Variants in SULT1A1 observed in about 807,000 individuals in gnomAD.
The protein encoded by SULT1A1 is sulfotransferase family 1A member 1, also known as sulfotransferase 1A1.
A neutral mutation model predicts 36.8 loss-of-function variants in SULT1A1; 35 were observed. That is an observed-to-expected ratio of 0.95 (90% CI 0.73 to 1.26). SULT1A1 has a LOEUF of 1.26. SULT1A1 is among the 50% of genes most tolerant of loss of function. The pLI is 0.00. For missense variants in SULT1A1, 309 were observed against 383.0 expected (o/e 0.81, Z 1.61); for synonymous variants, 119 against 146.0 (o/e 0.82, Z 1.33).
chr16:28,606,789 A>T lies in SULT1A1; in HGVS notation c.566T>A (p.Leu189His). The change falls in exon 6 of 8, where the codon CTC becomes CAC. Residue 189 changes from leucine (L) to histidine (H), a missense_variant. By Grantham distance (99) the Leu-to-His change is moderately conservative. Around this residue, in one of 3 missense-constraint regions of SULT1A1, gnomAD observed 219 missense variants for 215.3 expected, o/e 1.02. Coordinates refer to ENST00000314752, the MANE Select transcript of SULT1A1 (RefSeq NM_001055.4). ...WWELSRTHPV[L>H]YLFYEDMKEN... ...CTTCATGTCTTCATAGAAGAGGTAG[A>T]GAACAGGGTGGGTGCGGCTCAGCTC... 1 of 1,612,470 alleles carries T rather than the reference A, an allele frequency of 6.2e-7. No homozygotes were observed. The highest frequency in any genetic ancestry group is 8.5e-7 in the Non-Finnish European group (1 of 1,178,682).
At position 28,609,969 on chromosome 16, in the gene SULT1A1, C is replaced by T. The variant is rs56205284; in HGVS notation, c.-43G>A. The T allele has an allele frequency of 0.015, 19,952 of 1,287,616 alleles. 794 individuals carry two copies. Among genetic ancestry groups the T allele is most frequent in the Admixed American group, 0.08 (3,470 of 43,248 alleles). The allele number at this position is 1,287,616 out of a possible 1,614,324, so 79.8% of individuals were successfully genotyped here. A position where few individuals can be genotyped will look rare whatever the true frequency, so the allele number is the denominator to read the frequency against. ...AACCTGGCCTCGTGCCCTCCTCGCC[C>T]GCAGTGGCTGATTGTGGGTGTTGTG... On this transcript the variant is annotated 5_prime_UTR_variant, in exon 1 of 8. Transcript: ENST00000314752.
In SULT1A1 at chr16:28,606,702, C is replaced by G. The variant is rs2047205051; in HGVS notation, c.594+59G>C. 6.3e-6 allele frequency: 10 copies of G among 1,595,198 alleles called. 1 individual carries two copies. Among genetic ancestry groups the G allele is most frequent in the Non-Finnish European group, 7.7e-6 (9 of 1,168,596 alleles). Reference sequence around the variant, plus strand: ...AGGGGGCTGGGTGGCCTTGGCGGGTCCCTGTGAGGTGCCTGCCCCCAGGAG... The same window carrying G: ...AGGGGGCTGGGTGGCCTTGGCGGGTGCCTGTGAGGTGCCTGCCCCCAGGAG... On this transcript the variant is annotated intron_variant, in intron 6 of 7. Coordinates refer to ENST00000314752, the MANE Select transcript of SULT1A1 (RefSeq NM_001055.4).
intron 1 of SULT1A1, chr16:28,609,568 A>G: frequency 2.2e-6 from 1 of 446,524 alleles, no homozygotes; most frequent in South Asian, 2.0e-5. Flanking sequence ...GCAGCATTGC[A>G]AGACCCCATC....
intron 2 of SULT1A1, among the ~76,000 whole-genome samples, chr16:28,616,134 C>T (rs558311533): frequency 5.3e-4 from 80 of 152,298 alleles, no homozygotes; most frequent in Non-Finnish European, 9.3e-4. Flanking sequence ...TCCTGTCTTC[C>T]GGTCACACCT....
intron 2 of SULT1A1, among the ~76,000 whole-genome samples, chr16:28,619,759 T>TATATATCCAC (rs1555485374): frequency 6.7e-6 from 1 of 148,156 alleles, no homozygotes. Context: ...TACATATATA[T>TATATATCCAC]ATATAGACAC....
At chr16:28,609,466 C>CT (rs1345064785) in intron 1 of SULT1A1, 4 of 1,208,562 alleles carry the variant, frequency 3.3e-6, no homozygotes, top group Middle Eastern at 2.2e-4. Flanking sequence ...ACTCTGATGA[C>CT]TCAGCAAAAG....
rs572454638 is a variant in SULT1A1 at position 28,623,285 on chromosome 16, G to A, written c.-88C>T. ...TGGCGTGGAAGGTCACCACCAACGT[G>A]GCCACGCGCCGCGTCTGGCGCCAGT... On this transcript the variant is annotated 5_prime_UTR_variant, in exon 1 of 6. Coordinates refer to the SULT1A1 transcript ENST00000350842. 2.6e-6 allele frequency: 4 copies of A among 1,540,496 alleles called. No homozygotes were observed. The African/African-American group carries it at 5.5e-5, about 21-fold the overall frequency.
chr16:28,607,497 C>T (rs1216765424), intron 4 of SULT1A1: 3 of 178,836 alleles, frequency 1.7e-5, no homozygotes, highest in Non-Finnish European at 3.6e-5. Context: ...GGAAGTGAGG[C>T]GACTTTCCCA....
intron 1 of SULT1A1, among the ~76,000 whole-genome samples, chr16:28,620,645 T>A (rs1460744158): frequency 6.6e-6 from 1 of 150,864 alleles, no homozygotes; most frequent in Non-Finnish European, 1.5e-5. Context: ...GATGTGAGAA[T>A]AGCAGAATAT....
At chr16:28,621,399 T>C (rs551383160) in intron 1 of SULT1A1, among the ~76,000 whole-genome samples, 7 of 143,782 alleles carry the variant, frequency 4.9e-5, no homozygotes, top group Admixed American at 3.7e-4. Flanking sequence ...GGAGGATCGC[T>C]TGAACCTGAA....
chr16:28,617,084 T>C (rs2047561505), intron 2 of SULT1A1, among the ~76,000 whole-genome samples: 1 of 151,876 alleles, frequency 6.6e-6, no homozygotes, highest in Non-Finnish European at 1.5e-5. Flanking sequence ...GGTACAATCA[T>C]AGCTTACTGC....
chr16:28,621,506 A>AAAAAAAAAAAAAAAAG (rs1555485637), intron 1 of SULT1A1, among the ~76,000 whole-genome samples: 1 of 42,406 alleles, frequency 2.4e-5, no homozygotes, highest in African/African-American at 5.5e-5. Context: ...AAAAAAAAAA[A>AAAAAAAAAAAAAAAAG]AAGAAGAAGA....
chr16:28,609,172 G>A lies in SULT1A1; in HGVS notation c.-4-313C>T, dbSNP rs1274547533. On this transcript the variant is annotated intron_variant, in intron 1 of 7. Transcript: ENST00000314752. ...ATGTCAGGGTGTGTGAAGGTCTCCA[G>A]GAGAGTCCAGCTGCACTGAGGAAGC... is the stretch of plus-strand genomic sequence containing the variant. 20 of 1,361,260 alleles carry A rather than the reference G, an allele frequency of 1.5e-5. 1 individual carries two copies. The highest frequency in any genetic ancestry group is 1.9e-5 in the Non-Finnish European group (20 of 1,050,846). The allele number at this position is 1,361,260 out of a possible 1,614,324, so 84.3% of individuals were successfully genotyped here.
chr16:28,608,806 C>A lies in SULT1A1; in HGVS notation c.50G>T (p.Gly17Val). 1.2e-6 allele frequency: 2 copies of A among 1,612,024 alleles called. No homozygotes were observed. The highest frequency in any genetic ancestry group is 1.1e-5 in the South Asian group (1 of 90,954). ...TGCAAAGTACTTGATGAGCGGGACC[C>A]CCTTCACGTACTCCAGTGGCGGGCG... is the stretch of plus-strand genomic sequence containing the variant. Reference protein sequence around the residue: ...TSRPPLEYVKGVPLIKYFAEA... With the variant: ...TSRPPLEYVKVVPLIKYFAEA... Residue 17 changes from glycine (G) to valine (V), a missense_variant, in exon 2 of 8, where the codon GGG becomes GTG. Gly to Val is a moderately radical substitution (Grantham distance 109). This residue lies in a region of SULT1A1 where 23 missense variants were observed against 45.7 expected (regional missense o/e 0.50). Coordinates refer to ENST00000314752, the MANE Select transcript of SULT1A1 (RefSeq NM_001055.4).
chr16:28,609,556 G>C (rs745466205), intron 1 of SULT1A1: 4 of 480,330 alleles, frequency 8.3e-6, no homozygotes, highest in Non-Finnish European at 1.4e-5. Flanking sequence ...GACCAACCTG[G>C]TGCAGCATTG....
At chr16:28,615,868 AGCTTAT>A (rs1369945943) in intron 2 of SULT1A1, among the ~76,000 whole-genome samples, 4 of 152,210 alleles carry the variant, frequency 2.6e-5, no homozygotes, top group Non-Finnish European at 4.4e-5. Context: ...AGAGAAAGAC[AGCTTAT>A]GCCATTATTT....
chr16:28,621,504 AAAAAGAAGAAG>A (rs2047653905), intron 1 of SULT1A1, among the ~76,000 whole-genome samples: 1 of 147,442 alleles, frequency 6.8e-6, no homozygotes, highest in African/African-American at 2.5e-5. Flanking sequence ...AAAAAAAAAA[AAAAAGAAGAAG>A]AAGAAGAAGA....
Position 28,605,497 on chromosome 16 carries a change from C to T in SULT1A1, c.*324G>A. 2.2e-6 allele frequency: 1 copy of T among 454,072 alleles called. No individual in the cohort carries two copies. The highest frequency in any genetic ancestry group is 4.0e-6 in the Non-Finnish European group (1 of 248,612). 28.1% of individuals were successfully genotyped at this position (454,072 alleles called of 1,614,324 possible). A position where few individuals can be genotyped will look rare whatever the true frequency, so the allele number is the denominator to read the frequency against. On this transcript the variant is annotated 3_prime_UTR_variant, in exon 8 of 8. Coordinates refer to ENST00000314752, the MANE Select transcript of SULT1A1 (RefSeq NM_001055.4). ...ATGTTGAACAGGCTGGTCCCAAACT[C>T]CTGTCCTCCAGTGATCCTCTAGCCT... is the stretch of plus-strand genomic sequence containing the variant.
Position 28,606,820 on chromosome 16 carries a change from A to T in SULT1A1, c.535T>A (p.Trp179Arg). ...GGGTGGGTGCGGCTCAGCTCCCACC[A>T]CTCCTGCACGTGCTGGTACCAGGAT... ...YGSWYQHVQEWWELSRTHPVL... is the reference protein window; with the variant it reads ...YGSWYQHVQERWELSRTHPVL... The change falls in exon 6 of 8, where the codon TGG becomes AGG. Residue 179 changes from tryptophan (W) to arginine (R), a missense_variant. By Grantham distance (101) the Trp-to-Arg change is moderately radical. This residue lies in a region of SULT1A1 where 219 missense variants were observed against 215.3 expected (regional missense o/e 1.02). Coordinates refer to ENST00000314752, the MANE Select transcript of SULT1A1 (RefSeq NM_001055.4). 6.2e-7 allele frequency: 1 copy of T among 1,612,402 alleles called. No individual in the cohort carries two copies. The highest frequency in any genetic ancestry group is 8.5e-7 in the Non-Finnish European group (1 of 1,178,664).
Sources: gnomAD v4.1 joint callset for allele counts (sites outside exome capture counted in the v4.1 genomes callset) on GRCh38, gnomAD v4.1.1 for gene constraint, gnomAD v4.1.1 regional missense constraint, MANE v1.5 for transcripts, NCBI Gene and HGNC (gene_info 2026-07-23, HGNC 2026-07-21) for gene names.